The following ARHGAP44 variants were observed in gnomAD, a reference collection of about 807,000 sequenced individuals.
The protein encoded by ARHGAP44 is Rho GTPase activating protein 44.
ARHGAP44 carries 43 observed loss-of-function variants against 106.8 expected under a neutral mutation model. The ratio of observed to expected loss-of-function variants is 0.40; its 90% CI spans 0.32 to 0.52. The LOEUF is 0.52. ARHGAP44 is among the 20% of genes least tolerant of loss of function. The pLI is 0.48. For synonymous variants in ARHGAP44, 439 were observed against 410.3 expected, an observed-to-expected ratio of 1.07 and a Z score of -0.85; for missense variants, 866 against 1,050.5, an observed-to-expected ratio of 0.82 and a Z score of 2.43.
intron 3 of ARHGAP44, among the ~76,000 whole-genome samples, chr17:12,903,053 A>G (rs2037420638): frequency 6.7e-6 from 1 of 148,980 alleles, no homozygotes; most frequent in South Asian, 2.2e-4. Context: ...AGAGGACAGT[A>G]GACAAGAATT....
chr17:12,965,571 G>A (rs1020886338), intron 16 of ARHGAP44, among the ~76,000 whole-genome samples: 5 of 152,180 alleles, frequency 3.3e-5, no homozygotes, highest in African/African-American at 1.2e-4. Flanking sequence ...ACTGGTAGTT[G>A]GTTATATTAT....
intron 1 of ARHGAP44, among the ~76,000 whole-genome samples, chr17:12,893,988 G>A (rs2037125582): frequency 6.6e-6 from 1 of 152,122 alleles, no homozygotes; most frequent in African/African-American, 2.4e-5. Flanking sequence ...GTTTTTAGTT[G>A]TGTGAGTGAG....
At chr17:12,942,534 G>A (rs1458536679) in intron 8 of ARHGAP44, among the ~76,000 whole-genome samples, 3 of 152,178 alleles carry the variant, frequency 2.0e-5, no homozygotes, top group African/African-American at 7.2e-5. Flanking sequence ...GAAACTCAAA[G>A]ACGTTAGAGT....
At chr17:12,984,420 G>A (rs1457040417) in intron 19 of ARHGAP44, 111 bp from the exon 20 acceptor site, 1 of 1,223,660 alleles carries the variant, frequency 8.2e-7, no homozygotes, top group East Asian at 2.8e-5. Flanking sequence ...GGGTGGCGAG[G>A]GGCAGGAGGT....
At chr17:12,879,372 G>A (rs181586064) in intron 1 of ARHGAP44, among the ~76,000 whole-genome samples, 1 of 152,186 alleles carries the variant, frequency 6.6e-6, no homozygotes, top group Non-Finnish European at 1.5e-5. Flanking sequence ...TCATTGATCA[G>A]TGGGCATTTG....
intron 1 of ARHGAP44, among the ~76,000 whole-genome samples, chr17:12,882,427 T>C (rs1346788002): frequency 6.6e-6 from 1 of 152,106 alleles, no homozygotes; most frequent in Non-Finnish European, 1.5e-5. Context: ...TTCTTCCCTT[T>C]TAGTTTTAAA....
At chr17:12,859,989 G>T (rs985644860) in intron 1 of ARHGAP44, among the ~76,000 whole-genome samples, 1 of 152,188 alleles carries the variant, frequency 6.6e-6, no homozygotes, top group Non-Finnish European at 1.5e-5. Context: ...GTGGTCCCTA[G>T]TTGTACCTGG....
intron 1 of ARHGAP44, among the ~76,000 whole-genome samples, chr17:12,867,238 C>A (rs2036260577): frequency 6.6e-6 from 1 of 151,856 alleles, no homozygotes; most frequent in African/African-American, 2.4e-5. Context: ...AAAAGAGAGG[C>A]CACAAAGCAT....
chr17:12,983,931 G>A (rs956470124), intron 19 of ARHGAP44, among the ~76,000 whole-genome samples: 1 of 152,238 alleles, frequency 6.6e-6, no homozygotes, highest in Admixed American at 6.5e-5. Flanking sequence ...CTCAGCAGCA[G>A]GGATGCAGGA....
rs143057973 is a variant in ARHGAP44, at chr17:12,924,093, G to A, written c.464+4262G>A. ...AGTGAATTCCACATAGAGACCCTCC[G>A]CCTTTCAAGACAGGAAGTAGATTTG... On this transcript the variant is annotated intron_variant, in intron 6 of 20. Coordinates refer to ENST00000379672, the MANE Select transcript of ARHGAP44 (RefSeq NM_014859.6). Among the ~76,000 whole-genome samples the A allele has an allele frequency of 7.4e-4, 112 of 152,276 alleles. 2 individuals carry two copies. The East Asian group carries it at 0.019, about 25-fold the overall frequency.
intron 1 of ARHGAP44, among the ~76,000 whole-genome samples, chr17:12,847,510 C>CT (rs201835763): frequency 0.13 from 16,731 of 133,186 alleles, 1,401 homozygotes; most frequent in East Asian, 0.23. Flanking sequence ...GCTACCATCA[C>CT]TCTTTTTTTT....
At chr17:12,841,637 C>CAAAAACAA (rs140882682) in intron 1 of ARHGAP44, among the ~76,000 whole-genome samples, 3 of 101,618 alleles carry the variant, frequency 3.0e-5, no homozygotes, top group African/African-American at 1.1e-4. Flanking sequence ...CACACACACA[C>CAAAAACAA]ACAAACAAAC....
rs375289045 is a variant in ARHGAP44, at chr17:12,851,418, C to A, written c.54-43522C>A. On this transcript the variant is annotated intron_variant, in intron 1 of 20. Transcript: ENST00000379672. ...GAGGACCCACTGTCATCACACCCTCCTTCTCCCTCACTGCTCCATGACACA... is the reference window on the plus strand; with the variant it reads ...GAGGACCCACTGTCATCACACCCTCATTCTCCCTCACTGCTCCATGACACA... Among the ~76,000 whole-genome samples the A allele has an allele frequency of 5.9e-5, 9 of 152,086 alleles. No homozygotes were observed. The East Asian group carries it at 1.2e-3, about 20-fold the overall frequency.
chr17:12,831,771 G>A (rs146584519), intron 1 of ARHGAP44, among the ~76,000 whole-genome samples: 1 of 152,164 alleles, frequency 6.6e-6, no homozygotes, highest in African/African-American at 2.4e-5. Context: ...TTTTACTAAA[G>A]AGTGTAAGAA....
chr17:12,858,461 A>G (rs1567652685), intron 1 of ARHGAP44, among the ~76,000 whole-genome samples: 2 of 152,206 alleles, frequency 1.3e-5, no homozygotes, highest in East Asian at 1.9e-4. Flanking sequence ...GTCAGACTAA[A>G]TCAACCTTCT....
chr17:12,881,907 T>G (rs1304151482), intron 1 of ARHGAP44, among the ~76,000 whole-genome samples: 2 of 152,130 alleles, frequency 1.3e-5, no homozygotes, highest in African/African-American at 4.8e-5. Context: ...TCTAGGCTGG[T>G]CAAGACCAGT....
chr17:12,941,206 T>A, intron 8 of ARHGAP44, 82 bp downstream of exon 8: 2 of 1,290,152 alleles, frequency 1.6e-6, no homozygotes, highest in Non-Finnish European at 2.2e-6. Flanking sequence ...AGTCCCTTAA[T>A]TGATCACATC....
chr17:12,870,324 A>G (rs2036374164), intron 1 of ARHGAP44, among the ~76,000 whole-genome samples: 3 of 152,156 alleles, frequency 2.0e-5, no homozygotes, highest in Admixed American at 2.0e-4. Context: ...TTACAGGTAC[A>G]AGCCACTGTG....
At chr17:12,912,634 G>A (rs147965131) in intron 4 of ARHGAP44, among the ~76,000 whole-genome samples, 205 of 152,280 alleles carry the variant, frequency 1.3e-3, no homozygotes, top group Middle Eastern at 6.8e-3. Context: ...TCACCATCAT[G>A]TATACTGGTG....
Sources: gnomAD v4.1 joint callset for allele counts (sites outside exome capture counted in the v4.1 genomes callset) on GRCh38, gnomAD v4.1.1 for gene constraint, MANE v1.5 for transcripts, NCBI Gene and HGNC (gene_info 2026-07-23, HGNC 2026-07-21) for gene names.